Variants in RAPGEF5 observed in about 807,000 individuals in gnomAD.
RAPGEF5 encodes the protein Rap guanine nucleotide exchange factor 5.
In RAPGEF5, 65 loss-of-function variants were observed where a neutral mutation model predicts 125.2. That is an observed-to-expected ratio of 0.52 (90% confidence interval 0.43 to 0.64). RAPGEF5 has a LOEUF of 0.64. Among genes scored for constraint, RAPGEF5 ranks in the 30% least tolerant of loss-of-function variants. The pLI is 0.00. For synonymous variants in RAPGEF5, 391 were observed against 385.9 expected (o/e 1.01, Z -0.16); for missense variants, 958 against 1,048.1 (o/e 0.91, Z 1.19).
At chr7:22,331,744 C>CAA (rs11406166) in intron 1 of RAPGEF5, among the ~76,000 whole-genome samples, 23,503 of 94,392 alleles carry the variant, frequency 0.25, 2,521 homozygotes, top group East Asian at 0.27. Flanking sequence ...GACTCCATCT[C>CAA]AAAAAAAAAA....
At chr7:22,284,125 G>A (rs1376681764) in intron 6 of RAPGEF5, among the ~76,000 whole-genome samples, 2 of 151,926 alleles carry the variant, frequency 1.3e-5, no homozygotes, top group Admixed American at 6.6e-5. Flanking sequence ...TATGGTATTT[G>A]GGGATCTATT....
chr7:22,251,413 G>T (rs112214186), intron 7 of RAPGEF5, among the ~76,000 whole-genome samples: 81 of 152,234 alleles, frequency 5.3e-4, no homozygotes, highest in African/African-American at 1.9e-3. Flanking sequence ...GGCCTCTTGG[G>T]CCCTGCCTCA....
intron 11 of RAPGEF5, among the ~76,000 whole-genome samples, chr7:22,183,682 G>T (rs765879617): frequency 1.3e-5 from 2 of 152,216 alleles, no homozygotes; most frequent in African/African-American, 2.4e-5. Context: ...GTTGAGGTCA[G>T]CACTGAAACT....
intron 7 of RAPGEF5, among the ~76,000 whole-genome samples, chr7:22,249,990 A>T (rs992526785): frequency 1.3e-5 from 2 of 152,230 alleles, no homozygotes; most frequent in Non-Finnish European, 2.9e-5. Context: ...GAAAAAACAC[A>T]ATTTTATTTA....
At chr7:22,350,156 C>CA (rs11327888) in intron 1 of RAPGEF5, among the ~76,000 whole-genome samples, 34 of 150,674 alleles carry the variant, frequency 2.3e-4, no homozygotes, top group Non-Finnish European at 4.3e-4. Context: ...AGTATTGAGG[C>CA]AAAAAAAAAT....
intron 9 of RAPGEF5, chr7:22,194,704 A>G: frequency 1.0e-6 from 1 of 985,440 alleles, no homozygotes; most frequent in Non-Finnish European, 1.2e-6. Flanking sequence ...GATGCCATGG[A>G]TGACTGCACA....
intron 9 of RAPGEF5, among the ~76,000 whole-genome samples, chr7:22,197,823 A>G (rs1785182077): frequency 6.6e-6 from 1 of 151,132 alleles, no homozygotes; most frequent in Admixed American, 6.6e-5. Flanking sequence ...ACAAAAGATG[A>G]ATGAATGCAT....
At chr7:22,295,203 T>C (rs1783032231) in intron 5 of RAPGEF5, among the ~76,000 whole-genome samples, 1 of 152,240 alleles carries the variant, frequency 6.6e-6, no homozygotes, top group South Asian at 2.1e-4. Flanking sequence ...TTGAGATCTT[T>C]GATATCATGA....
intron 16 of RAPGEF5, among the ~76,000 whole-genome samples, chr7:22,155,924 G>A (rs969454797): frequency 6.6e-6 from 1 of 152,194 alleles, no homozygotes; most frequent in Non-Finnish European, 1.5e-5. Context: ...GAAACTTTAA[G>A]ACAAATGGGC....
rs1457356863 is a variant in RAPGEF5 at position 22,193,415 on chromosome 7, G to A, written c.1156C>T (p.His386Tyr). The A allele has an allele frequency of 6.3e-7, 1 of 1,597,608 alleles. No individual in the cohort carries two copies. Among genetic ancestry groups the A allele is most frequent in the Non-Finnish European group, 8.5e-7 (1 of 1,171,634 alleles). The change falls in exon 11 of 26, where the codon CAC becomes TAC. Residue 386 changes from histidine (H) to tyrosine (Y), a missense_variant. His to Tyr is a moderately conservative substitution (Grantham distance 83). Transcript: ENST00000665637. ...VSGTPEKILE[H>Y]LLNDLHLEEV... ...TCCAGGTGCAAGTCATTCAAAAGGT[G>A]CTCCAAAATCTTCTCCGGGGTCCCG...
intron 7 of RAPGEF5, among the ~76,000 whole-genome samples, chr7:22,240,279 C>A (rs1049645840): frequency 6.8e-6 from 1 of 148,112 alleles, no homozygotes; most frequent in Non-Finnish European, 1.5e-5. Flanking sequence ...TAAAATAAAA[C>A]CTTGATAAAC....
chr7:22,298,944 T>C (rs1226951277), intron 5 of RAPGEF5, among the ~76,000 whole-genome samples: 1 of 152,162 alleles, frequency 6.6e-6, no homozygotes, highest in African/African-American at 2.4e-5. Context: ...TCTGCAGTGA[T>C]ATTCCTTCTT....
Position 22,160,528 on chromosome 7 carries a change from G to A in RAPGEF5, c.1516C>T (p.His506Tyr), listed in dbSNP as rs1280452964. ...LKEFQKILGM[H>Y]RRHTVDEYSP... ...AAATGAAATACTTACTGACGACGGT[G>A]CATTCCAAGTATCTTTTGAAATTCT... Residue 506 changes from histidine to tyrosine, a missense_variant, in exon 14 of 26, where the codon CAC becomes TAC. Coordinates refer to ENST00000665637, the MANE Select transcript of RAPGEF5 (RefSeq NM_012294.5). The A allele has an allele frequency of 2.3e-5, 36 of 1,544,994 alleles. No individual in the cohort carries two copies. The highest frequency in any genetic ancestry group is 2.4e-5 in the East Asian group (1 of 41,004).
intron 5 of RAPGEF5, 83 bp from the exon 6 acceptor site, chr7:22,291,324 A>G (rs1782930527): frequency 6.8e-7 from 1 of 1,463,656 alleles, no homozygotes. Context: ...TAAAGGGCAA[A>G]TAATGTCATT....
chr7:22,254,369 G>A (rs1457700674), intron 7 of RAPGEF5, among the ~76,000 whole-genome samples: 1 of 151,912 alleles, frequency 6.6e-6, no homozygotes, highest in East Asian at 1.9e-4. Context: ...AGCGCTTTGG[G>A]AGGACGAGGC....
At chr7:22,291,387 C>A in intron 5 of RAPGEF5, 146 bp from the exon 6 acceptor site, 1 of 1,321,150 alleles carries the variant, frequency 7.6e-7, no homozygotes. Context: ...GTGACAGTAA[C>A]TCCATAGGAA....
intron 11 of RAPGEF5, among the ~76,000 whole-genome samples, chr7:22,179,521 A>T (rs1784609074): frequency 6.6e-6 from 1 of 152,068 alleles, no homozygotes; most frequent in African/African-American, 2.4e-5. Context: ...AGCCAGAGTG[A>T]CTCCATCTTG....
At chr7:22,304,593 G>A (rs528975060) in intron 5 of RAPGEF5, among the ~76,000 whole-genome samples, 10 of 152,284 alleles carry the variant, frequency 6.6e-5, no homozygotes, top group Non-Finnish European at 1.0e-4. Flanking sequence ...GTTAAATCAC[G>A]AGGACAGCTT....
At chr7:22,296,826 A>G (rs557965352) in intron 5 of RAPGEF5, among the ~76,000 whole-genome samples, 15 of 152,360 alleles carry the variant, frequency 9.8e-5, no homozygotes, top group Admixed American at 7.2e-4. Flanking sequence ...CTAGTGAGAC[A>G]GAAGAGCCAA....
Sources: allele counts gnomAD v4.1 joint callset (sites outside exome capture counted in the v4.1 genomes callset), GRCh38; gene constraint gnomAD v4.1.1; transcripts MANE v1.5; gene names NCBI Gene and HGNC (gene_info 2026-07-23, HGNC 2026-07-21).